The following WDR41 variants were observed in gnomAD, a reference collection of about 807,000 sequenced individuals.
WDR41 encodes WD repeat-containing protein 41.
In WDR41, 63 loss-of-function variants were observed where a neutral mutation model predicts 69.3. The ratio of observed to expected loss-of-function variants is 0.91; its 90% CI spans 0.74 to 1.12. The LOEUF is 1.12. WDR41 is among the 50% of genes most tolerant of loss of function. WDR41 has a pLI of 0.00. For missense variants in WDR41, 543 were observed against 534.5 expected, an observed-to-expected ratio of 1.02 and a Z score of -0.16; for synonymous variants, 185 against 192.1, an observed-to-expected ratio of 0.96 and a Z score of 0.31.
intron 5 of WDR41, among the ~76,000 whole-genome samples, chr5:77,456,171 C>T (rs1272539320): frequency 1.3e-5 from 2 of 152,072 alleles, no homozygotes; most frequent in Non-Finnish European, 2.9e-5. Flanking sequence ...AAGTCTCATA[C>T]TACTTCAAAT....
At chr5:77,610,106 A>G (rs1744516837) in intron 1 of WDR41, among the ~76,000 whole-genome samples, 1 of 152,194 alleles carries the variant, frequency 6.6e-6, no homozygotes, top group Admixed American at 6.5e-5. Flanking sequence ...AAGTTTAGAG[A>G]AAAAAGAATA....
At position 77,605,199 on chromosome 5, in the gene WDR41, T is replaced by G. The variant is rs570166285; in HGVS notation, c.42+15280A>C. Among the ~76,000 whole-genome samples the G allele has an allele frequency of 7.9e-5, 12 of 152,358 alleles. No homozygotes were observed. The East Asian group carries it at 2.3e-3, about 29-fold the overall frequency. On this transcript the variant is annotated intron_variant, in intron 1 of 5. Transcript: ENST00000509971. ...ATGATGAAGATTGTCCTTGGGATCC[T>G]CGTCTGACCTGGACAGTTTTCTGCT...
intron 1 of WDR41, among the ~76,000 whole-genome samples, chr5:77,506,148 G>T (rs1245850422): frequency 1.3e-5 from 2 of 151,954 alleles, no homozygotes; most frequent in Non-Finnish European, 2.9e-5. Flanking sequence ...TCTGACAAAG[G>T]GCTAATATCC....
chr5:77,496,106 G>A (rs1581773242), upstream of WDR41, among the ~76,000 whole-genome samples: 1 of 151,876 alleles, frequency 6.6e-6, no homozygotes, highest in Non-Finnish European at 1.5e-5. Context: ...AGAAATAGAG[G>A]GGAAATTCCT....
intron 1 of WDR41, among the ~76,000 whole-genome samples, chr5:77,602,242 C>T (rs1310145181): frequency 2.0e-5 from 3 of 151,834 alleles, no homozygotes; most frequent in South Asian, 2.1e-4. Context: ...TGGGTTTAAG[C>T]GATTCTTCTG....
At chr5:77,481,255 G>A (rs907900842) in intron 2 of WDR41, among the ~76,000 whole-genome samples, 2 of 151,678 alleles carry the variant, frequency 1.3e-5, no homozygotes, top group Admixed American at 6.6e-5. Flanking sequence ...TGATCCACCC[G>A]CCTTGGCCTC....
chr5:77,618,030 G>A lies in WDR41; in HGVS notation c.42+2449C>T, dbSNP rs572625634. The stretch of plus-strand genomic sequence containing the variant: ...AAAGCTTGTAAATGAGAATAAGAGA[G>A]CTAATGAGGAATAATGTTAATTTTC... On this transcript the variant is annotated intron_variant, in intron 1 of 5. Transcript: ENST00000509971. 4.6e-5 allele frequency among the ~76,000 whole-genome samples: 7 copies of A among 152,182 alleles called. No homozygotes were observed. In the South Asian group the frequency reaches 1.5e-3, roughly 32 times the overall value.
intron 1 of WDR41, among the ~76,000 whole-genome samples, chr5:77,616,207 T>C (rs1744678930): frequency 6.6e-6 from 1 of 152,046 alleles, no homozygotes; most frequent in South Asian, 2.1e-4. Flanking sequence ...TAGTCTCTCC[T>C]CATTGCATAC....
chr5:77,534,335 G>C (rs546536350), intron 1 of WDR41, among the ~76,000 whole-genome samples: 1 of 152,046 alleles, frequency 6.6e-6, no homozygotes, highest in East Asian at 1.9e-4. Context: ...TATATGTGGG[G>C]GGCGGCGGGG....
At position 77,492,186 on chromosome 5, in the gene WDR41, G is replaced by A. The variant is rs762460190; in HGVS notation, c.35C>T (p.Pro12Leu). Reference sequence around the variant, plus strand: ...GGGGTTTACCTCGGCCAGTCCCTGCGGTTCTCGGCCTCCCCCGATCAGCCA... The same window carrying A: ...GGGGTTTACCTCGGCCAGTCCCTGCAGTTCTCGGCCTCCCCCGATCAGCCA... ...LRWLIGGGREPQGLAEKSPLQ... is the reference protein window; with the variant it reads ...LRWLIGGGRELQGLAEKSPLQ... The change falls in exon 1 of 13, where the codon CCG (proline) becomes CTG (leucine). Residue 12 changes from proline (P) to leucine (L), a missense_variant. By Grantham distance (98) the Pro-to-Leu change is moderately conservative. Transcript: ENST00000296679. 35 of 1,612,426 alleles carry A rather than the reference G, an allele frequency of 2.2e-5. No individual in the cohort carries two copies. The East Asian group carries it at 6.9e-4, about 32-fold the overall frequency.
At chr5:77,607,717 A>G (rs1744449661) in intron 1 of WDR41, among the ~76,000 whole-genome samples, 1 of 152,266 alleles carries the variant, frequency 6.6e-6, no homozygotes. Flanking sequence ...AAATTTCTTT[A>G]ATAATATACA....
chr5:77,603,707 G>C (rs950181945), intron 1 of WDR41, among the ~76,000 whole-genome samples: 6 of 152,048 alleles, frequency 3.9e-5, no homozygotes, highest in African/African-American at 1.4e-4. Flanking sequence ...ATAGTTTTAG[G>C]CCTTATGTTT....
upstream of WDR41, among the ~76,000 whole-genome samples, chr5:77,496,191 C>G (rs1314314189): frequency 1.3e-5 from 2 of 151,962 alleles, no homozygotes; most frequent in African/African-American, 4.8e-5. Context: ...AAAGCTTCTC[C>G]CCTAAGATGA....
chr5:77,552,300 A>G (rs1400256931), intron 1 of WDR41, among the ~76,000 whole-genome samples: 2 of 152,128 alleles, frequency 1.3e-5, no homozygotes, highest in African/African-American at 4.8e-5. Context: ...CAATAACTCC[A>G]AGGAAAATGA....
intron 1 of WDR41, among the ~76,000 whole-genome samples, chr5:77,558,766 G>A (rs12517739): frequency 0.29 from 43,994 of 152,056 alleles, 6,584 homozygotes; most frequent in Non-Finnish European, 0.33. Flanking sequence ...TTGTTTGGCA[G>A]TCTCTTAAAC....
intron 1 of WDR41, among the ~76,000 whole-genome samples, chr5:77,508,149 T>C (rs1802140917): frequency 6.6e-6 from 1 of 151,776 alleles, no homozygotes; most frequent in Non-Finnish European, 1.5e-5. Context: ...AGACAGGGTG[T>C]TACTCTCTAA....
chr5:77,556,001 C>T (rs770721552), intron 1 of WDR41, among the ~76,000 whole-genome samples: 4 of 144,266 alleles, frequency 2.8e-5, no homozygotes, highest in African/African-American at 1.0e-4. Context: ...GGCATTTGCA[C>T]AGAAATAGCA....
At chr5:77,501,176 A>G (rs994910960) in intron 1 of WDR41, among the ~76,000 whole-genome samples, 1 of 152,242 alleles carries the variant, frequency 6.6e-6, no homozygotes, top group Non-Finnish European at 1.5e-5. Context: ...CTGCCCAAAT[A>G]CTGCGCTTTT....
chr5:77,488,968 T>C (rs1034258043), intron 2 of WDR41, among the ~76,000 whole-genome samples: 3 of 152,188 alleles, frequency 2.0e-5, no homozygotes, highest in Admixed American at 2.0e-4. Flanking sequence ...ATATTAAACA[T>C]AATTATTATA....
Sources: gnomAD v4.1 joint callset for allele counts (sites outside exome capture counted in the v4.1 genomes callset) on GRCh38, gnomAD v4.1.1 for gene constraint, MANE v1.5 for transcripts, NCBI Gene and HGNC (gene_info 2026-07-23, HGNC 2026-07-21) for gene names.